The following RGS12 variants were observed in gnomAD, a reference collection of about 807,000 sequenced individuals.
RGS12 encodes regulator of G protein signaling 12.
RGS12 carries 66 observed loss-of-function variants against 120.1 expected under a neutral mutation model. That is an observed-to-expected ratio of 0.55 (90% CI 0.45 to 0.67). The LOEUF is 0.67. RGS12 is among the 30% of genes least tolerant of loss of function. RGS12 has a pLI of 0.00. For synonymous variants in RGS12, 827 were observed against 804.7 expected (o/e 1.03, Z -0.47); for missense variants, 1,859 against 1,957.7 (o/e 0.95, Z 0.95).
intron 17 of RGS12, among the ~76,000 whole-genome samples, chr4:3,438,532 C>T (rs1244857953): frequency 1.3e-5 from 2 of 152,064 alleles, no homozygotes; most frequent in Non-Finnish European, 2.9e-5. Context: ...GGCACATGAA[C>T]CCAGCCATTC....
chr4:3,359,630 T>C (rs866728384), intron 3 of RGS12, among the ~76,000 whole-genome samples: 1 of 143,406 alleles, frequency 7.0e-6, no homozygotes, highest in Non-Finnish European at 1.5e-5. Context: ...CTTTTCTTTT[T>C]TTTTTTTTTT....
intron 1 of RGS12, among the ~76,000 whole-genome samples, chr4:3,300,100 C>T (rs78220854): frequency 0.026 from 3,994 of 152,300 alleles, 162 homozygotes; most frequent in African/African-American, 0.087. Context: ...TGGCTGATAC[C>T]TGGGAGTCCT....
chr4:3,326,342 A>G (rs1403939807), intron 2 of RGS12, among the ~76,000 whole-genome samples: 3 of 152,094 alleles, frequency 2.0e-5, no homozygotes, highest in South Asian at 2.1e-4. Flanking sequence ...AAACTCTTGG[A>G]CTCAAGGGAT....
intron 17 of RGS12, among the ~76,000 whole-genome samples, chr4:3,432,418 A>G (rs1454593091): frequency 6.6e-6 from 1 of 152,150 alleles, no homozygotes; most frequent in Admixed American, 6.5e-5. Flanking sequence ...GCGGGTGCTG[A>G]GATGAGCTGG....
At chr4:3,309,639 C>T (rs1323540212) in intron 1 of RGS12, among the ~76,000 whole-genome samples, 7 of 85,762 alleles carry the variant, frequency 8.2e-5, no homozygotes, top group Non-Finnish European at 1.4e-4. Flanking sequence ...TGAGGGGAAC[C>T]GTGTGGGGGA....
chr4:3,305,121 G>A (rs1723902190), intron 1 of RGS12, among the ~76,000 whole-genome samples: 3 of 152,264 alleles, frequency 2.0e-5, no homozygotes, highest in Non-Finnish European at 4.4e-5. Flanking sequence ...GGCTTCCTTG[G>A]GCAGCTCACA....
At chr4:3,438,553 G>A (rs1052529871) in intron 17 of RGS12, among the ~76,000 whole-genome samples, 7 of 152,030 alleles carry the variant, frequency 4.6e-5, no homozygotes, top group Admixed American at 6.5e-5. Flanking sequence ...TGCGTGCACC[G>A]TTCACTTTCC....
At chr4:3,420,373 G>GAC (rs1722872184) in intron 9 of RGS12, 1 of 550,924 alleles carries the variant, frequency 1.8e-6, no homozygotes, top group Non-Finnish European at 3.3e-6. Context: ...GCATGTTTTG[G>GAC]AGCCAGGATG....
chr4:3,326,146 A>G (rs1175324226), intron 2 of RGS12, among the ~76,000 whole-genome samples: 2 of 152,256 alleles, frequency 1.3e-5, no homozygotes, highest in Admixed American at 6.5e-5. Context: ...CTCCTATTCA[A>G]CATAGTACTG....
chr4:3,431,731 T>C, intron 17 of RGS12: 1 of 985,504 alleles, frequency 1.0e-6, no homozygotes, highest in Non-Finnish European at 1.2e-6. Context: ...GAGGAGCCGC[T>C]CAGGGTGCGC....
At chr4:3,377,961 C>T (rs772717409) in intron 3 of RGS12, among the ~76,000 whole-genome samples, 4 of 152,062 alleles carry the variant, frequency 2.6e-5, no homozygotes, top group South Asian at 2.1e-4. Context: ...TTGTAAGCAC[C>T]GAAAAGTGCT....
intron 4 of RGS12, among the ~76,000 whole-genome samples, chr4:3,408,178 G>C (rs1008944552): frequency 6.6e-6 from 1 of 152,206 alleles, no homozygotes; most frequent in East Asian, 1.9e-4. Flanking sequence ...TCCCTCCCGC[G>C]TTCTGGCCTT....
intron 7 of RGS12, among the ~76,000 whole-genome samples, chr4:3,416,646 C>T (rs913810275): frequency 5.3e-5 from 8 of 152,274 alleles, no homozygotes; most frequent in Non-Finnish European, 8.8e-5. Context: ...GGGGTCTGCT[C>T]GTGTTGATGG....
chr4:3,379,043 G>GTGTGTGTA (rs1366554186), intron 3 of RGS12, among the ~76,000 whole-genome samples: 71 of 135,398 alleles, frequency 5.2e-4, no homozygotes, highest in African/African-American at 1.7e-3. Context: ...GTGTGTGTGT[G>GTGTGTGTA]TGTTTAGAGA....
intron 1 of RGS12, among the ~76,000 whole-genome samples, chr4:3,309,695 GCA>G: frequency 1.6e-5 from 2 of 122,008 alleles, no homozygotes; most frequent in Non-Finnish European, 3.6e-5. Context: ...GGGGAACCGT[GCA>G]GGGGAGGAGC....
At chr4:3,415,081 G>A (rs1294778699) in intron 6 of RGS12, among the ~76,000 whole-genome samples, 1 of 147,976 alleles carries the variant, frequency 6.8e-6, no homozygotes, top group Non-Finnish European at 1.5e-5. Context: ...GTGAGGTCGC[G>A]TGTGTGAGGG....
chr4:3,369,998 T>C, intron 3 of RGS12: 1 of 1,229,452 alleles, frequency 8.1e-7, no homozygotes, highest in Non-Finnish European at 1.0e-6. Flanking sequence ...CGAAGTTTTA[T>C]TCTTCTGATT....
intron 10 of RGS12, 134 bp downstream of exon 10, chr4:3,420,852 G>T: frequency 3.7e-6 from 3 of 817,920 alleles, no homozygotes. Flanking sequence ...GACAAGGCTC[G>T]GGTGCCGGCC....
Position 3,372,555 on chromosome 4 carries a change from C to G in RGS12, c.1999-13861C>G, listed in dbSNP as rs181872287. On this transcript the variant is annotated intron_variant, in intron 3 of 17. Coordinates refer to ENST00000336727, the MANE Select transcript of RGS12 (RefSeq NM_001394154.1). The surrounding 1 kb of genome is among the most constrained non-coding windows in gnomAD (Gnocchi z 4.3). ...AGTCCTCAGCTGTCAGAGGCCGCCTCGGGTGCATCCACGCTGGCCCCCCCA... is the reference window on the plus strand; with the variant it reads ...AGTCCTCAGCTGTCAGAGGCCGCCTGGGGTGCATCCACGCTGGCCCCCCCA... Among the ~76,000 whole-genome samples the G allele has an allele frequency of 6.6e-6, 1 of 152,112 alleles. No homozygotes were observed. Among genetic ancestry groups the G allele is most frequent in the African/African-American group, 2.4e-5 (1 of 41,414 alleles).
Sources: allele counts gnomAD v4.1 joint callset (sites outside exome capture counted in the v4.1 genomes callset), GRCh38; gene constraint gnomAD v4.1.1; non-coding constraint Gnocchi (gnomAD v3.1); transcripts MANE v1.5; gene names NCBI Gene and HGNC (gene_info 2026-07-23, HGNC 2026-07-21).